Variants in ISOC2 observed in about 807,000 individuals in gnomAD.
The protein encoded by ISOC2 is isochorismatase domain containing 2.
In ISOC2, 15 loss-of-function variants were observed where a neutral mutation model predicts 19.3. That is an observed-to-expected ratio of 0.78 (90% confidence interval 0.52 to 1.20). ISOC2 has a LOEUF of 1.20. ISOC2 is among the 50% of genes most tolerant of loss of function. ISOC2 has a pLI of 0.00. For synonymous variants in ISOC2, 106 were observed against 115.8 expected, an observed-to-expected ratio of 0.92 and a Z score of 0.54; for missense variants, 285 against 272.4, an observed-to-expected ratio of 1.05 and a Z score of -0.33.
At chr19:55,461,240 C>T (rs1018472952) in intron 1 of ISOC2, among the ~76,000 whole-genome samples, 1 of 152,154 alleles carries the variant, frequency 6.6e-6, no homozygotes, top group Non-Finnish European at 1.5e-5. Flanking sequence ...GGCTGTGTGA[C>T]CTTGGGCAAG....
At chr19:55,460,572 A>C (rs1277604901) in intron 1 of ISOC2, among the ~76,000 whole-genome samples, 1 of 152,268 alleles carries the variant, frequency 6.6e-6, no homozygotes, top group Non-Finnish European at 1.5e-5. Flanking sequence ...GTCAGAAGCC[A>C]GGACAGTGAC....
At chr19:55,456,564 C>T (rs1178531380) in intron 1 of ISOC2, 75 bp from the exon 2 acceptor site, 29 of 1,571,456 alleles carry the variant, frequency 1.8e-5, no homozygotes, top group Non-Finnish European at 2.2e-5. Context: ...TCCAGGTCCT[C>T]ACACTCAGAG....
At chr19:55,455,452 G>A in intron 3 of ISOC2, 122 bp from the exon 4 acceptor site, 1 of 1,382,246 alleles carries the variant, frequency 7.2e-7, no homozygotes. Context: ...CGGATCAGAG[G>A]AAGGGGCCCC....
Position 55,455,314 on chromosome 19 carries a change from A to C in ISOC2, c.365T>G (p.Leu122Arg). ...QACILNTTLDLLDRGLQVHVV... is the reference protein window; with the variant it reads ...QACILNTTLDRLDRGLQVHVV... ...ATGGACCTGCAGCCCCCGGTCTAGG[A>C]GGTCCAGGGTCGTGTTCTGTGGGTA... Residue 122 changes from leucine to arginine, a missense_variant, in exon 4 of 6, where the codon CTC (leucine) becomes CGC (arginine). Leu to Arg is a moderately radical substitution (Grantham distance 102). Coordinates refer to ENST00000425675, the MANE Select transcript of ISOC2 (RefSeq NM_001136201.2). 2 of 1,614,006 alleles carry C rather than the reference A, an allele frequency of 1.2e-6. No homozygotes were observed. Among genetic ancestry groups the C allele is most frequent in the East Asian group, 2.2e-5 (1 of 44,868 alleles).
At chr19:55,456,136 G>A in intron 2 of ISOC2, 1 of 593,684 alleles carries the variant, frequency 1.7e-6, no homozygotes, top group South Asian at 2.0e-5. Context: ...TGAGGGTGGA[G>A]GGCTGAGCCT....
At chr19:55,456,177 C>A in intron 2 of ISOC2, 172 bp downstream of exon 2, 1 of 575,190 alleles carries the variant, frequency 1.7e-6, no homozygotes, top group Non-Finnish European at 3.1e-6. Flanking sequence ...GAGGGCTGAG[C>A]CTGGATCCTG....
chr19:55,459,435 T>G (rs997231512), intron 1 of ISOC2, among the ~76,000 whole-genome samples: 4 of 152,034 alleles, frequency 2.6e-5, no homozygotes, highest in African/African-American at 9.7e-5. Flanking sequence ...CTGTGATAAG[T>G]GGGATTTGGA....
rs754292916 is a variant in ISOC2 at position 55,453,075 on chromosome 19, G to A, written c.*233C>T. 5 of 487,020 alleles carry A rather than the reference G, an allele frequency of 1.0e-5. No individual in the cohort carries two copies. The highest frequency in any genetic ancestry group is 4.2e-5 in the Admixed American group (1 of 24,066). The allele number at this position is 487,020 out of a possible 1,614,324, so 30.2% of individuals were successfully genotyped here. On this transcript the variant is annotated 3_prime_UTR_variant, in exon 6 of 6. Transcript: ENST00000425675. ...CCTTCCCGCCCCGTGAAGTGGCCCG[G>A]GGCCGAGCCCCGCCTCCATCTTGGC...
At chr19:55,461,154 G>A (rs1986225186) in intron 1 of ISOC2, among the ~76,000 whole-genome samples, 1 of 152,118 alleles carries the variant, frequency 6.6e-6, no homozygotes, top group Non-Finnish European at 1.5e-5. Flanking sequence ...GGAGGTGGGC[G>A]GCAACAGGGG....
At position 55,456,415 on chromosome 19, in the gene ISOC2, C is replaced by T. The variant is rs771790899; in HGVS notation, c.72G>A (p.Gln24=). Reference sequence around the variant, plus strand: ...AGGCGATGTTGTGGCGGAACTTCTCCTGCATGTCACACAGGAACAGGACAG... The same window carrying T: ...AGGCGATGTTGTGGCGGAACTTCTCTTGCATGTCACACAGGAACAGGACAG... ...GSSVLFLCDM[Q]EKFRHNIAYF... Residue 24 remains glutamine (Q), a synonymous_variant, in exon 2 of 6, where the codon CAG becomes CAA. Transcript: ENST00000425675. The T allele has an allele frequency of 1.2e-6, 2 of 1,613,846 alleles. No individual in the cohort carries two copies. The highest frequency in any genetic ancestry group is 1.7e-6 in the Non-Finnish European group (2 of 1,179,882).
chr19:55,453,515 A>T, intron 5 of ISOC2, 127 bp from the exon 6 acceptor site: 1 of 580,998 alleles, frequency 1.7e-6, no homozygotes, highest in Non-Finnish European at 2.9e-6. Context: ...CCAAGACAAC[A>T]CTCCCTCTTC....
chr19:55,455,278 T>C lies in ISOC2; in HGVS notation c.401A>G (p.Asp134Gly), dbSNP rs148825727. Residue 134 changes from aspartate to glycine, a missense_variant, in exon 4 of 6, where the codon GAC becomes GGC. Coordinates refer to ENST00000425675, the MANE Select transcript of ISOC2 (RefSeq NM_001136201.2). Reference protein sequence around the residue: ...DRGLQVHVVVDACSSRSQVDR... With the variant: ...DRGLQVHVVVGACSSRSQVDR... ...CTCTCACCTGCGTGAGGAGCAGGCG[T>C]CCACCACCACATGGACCTGCAGCCC... is the stretch of plus-strand genomic sequence containing the variant. The C allele has an allele frequency of 4.3e-6, 7 of 1,612,862 alleles. No homozygotes were observed. In the East Asian group the frequency reaches 1.1e-4, roughly 26 times the overall value.
rs1341912132 is a variant in ISOC2, at chr19:55,455,063, C to T, written c.463G>A (p.Gly155Ser). 6.2e-7 allele frequency: 1 copy of T among 1,612,736 alleles called. No homozygotes were observed. Among genetic ancestry groups the T allele is most frequent in the South Asian group, 1.1e-5 (1 of 91,074 alleles). Residue 155 changes from glycine to serine, a missense_variant, in exon 5 of 6, where the codon GGT becomes AGT. Transcript: ENST00000425675. ...CCTTCGCTGGTGGAGAGGAAGGCAC[C>T]ACTCTGTCTCATGCGGGCCAGAGCC... ...LVALARMRQS[G>S]AFLSTSEGLI...
chr19:55,455,770 G>C lies in ISOC2; in HGVS notation c.214C>G (p.Leu72Val), dbSNP rs770540255. 2.5e-6 allele frequency: 4 copies of C among 1,580,732 alleles called. No homozygotes were observed. Among genetic ancestry groups the C allele is most frequent in the South Asian group, 1.2e-5 (1 of 86,782 alleles). The change falls in exon 3 of 6, where the codon CTG (leucine) becomes GTG (valine). Residue 72 changes from leucine to valine, a missense_variant. Leu to Val is a conservative substitution (Grantham distance 32, BLOSUM62 1). Coordinates refer to ENST00000425675, the MANE Select transcript of ISOC2 (RefSeq NM_001136201.2). ...PQGLGPTVPE[L>V]GTEGLRPLAK... ...AGCGGCCGAAGGCCCTCAGTCCCCA[G>C]CTCGGGCACCGTGGGGCCCAGGCCT...
In ISOC2 at chr19:55,455,815, G is replaced by A. The variant is rs1166585638; in HGVS notation, c.169C>T (p.Leu57=). 34 of 1,549,646 alleles carry A rather than the reference G, an allele frequency of 2.2e-5. No homozygotes were observed. In the Admixed American group the frequency reaches 3.5e-4, roughly 16 times the overall value. ...AGGCCTTGTGGGTACTGCTCCGTCA[G>A]CATGACTGGCACCTCAAGCAGCCGG... is the stretch of plus-strand genomic sequence containing the variant. ...VARLLEVPVM[L]TEQYPQGLGP... Residue 57 remains leucine, a synonymous_variant, in exon 3 of 6, where the codon CTG becomes TTG. Coordinates refer to ENST00000425675, the MANE Select transcript of ISOC2 (RefSeq NM_001136201.2).
chr19:55,455,691 C>T lies in ISOC2; in HGVS notation c.293G>A (p.Arg98Gln), dbSNP rs538150462. Residue 98 changes from arginine to glutamine, a missense_variant, in exon 3 of 6, where the codon CGG (arginine) becomes CAG (glutamine). Coordinates refer to ENST00000425675, the MANE Select transcript of ISOC2 (RefSeq NM_001136201.2). ...GAGCAGCACAGAGCGCAGCTGGGGC[C>T]GACTGTCCAGCTCCTGCTGCAGGGC... ...VPALQQELDSRPQLRSVLLCG... is the reference protein window; with the variant it reads ...VPALQQELDSQPQLRSVLLCG... 2.1e-5 allele frequency: 34 copies of T among 1,610,798 alleles called. No homozygotes were observed. The highest frequency in any genetic ancestry group is 1.7e-4 in the Middle Eastern group (1 of 5,984).
At chr19:55,460,302 C>G (rs1190911582) in intron 1 of ISOC2, among the ~76,000 whole-genome samples, 1 of 152,174 alleles carries the variant, frequency 6.6e-6, no homozygotes, top group Non-Finnish European at 1.5e-5. Context: ...ATGGAATGCT[C>G]CTTTTTGTGC....
At chr19:55,457,598 G>A (rs545361496) in intron 1 of ISOC2, among the ~76,000 whole-genome samples, 141 of 152,226 alleles carry the variant, frequency 9.3e-4, no homozygotes, top group African/African-American at 3.3e-3. Flanking sequence ...GGAGGCCGAG[G>A]CGGGCGGATC....
At chr19:55,459,568 C>G (rs967147710) in intron 1 of ISOC2, 6 of 152,112 alleles carry the variant, frequency 3.9e-5, no homozygotes, top group South Asian at 2.1e-4. Context: ...CCCTGACCCC[C>G]GTGGATTCTC....
Sources: gnomAD v4.1 joint callset for allele counts (sites outside exome capture counted in the v4.1 genomes callset) on GRCh38, gnomAD v4.1.1 for gene constraint, MANE v1.5 for transcripts, NCBI Gene and HGNC (gene_info 2026-07-23, HGNC 2026-07-21) for gene names.